OTOA: variants seen among roughly 807,000 people sequenced by gnomAD.
OTOA encodes cancer/testis antigen 108.
A neutral mutation model predicts 110.8 loss-of-function variants in OTOA; 70 were observed. The observed-to-expected ratio is 0.63, with a 90% CI of 0.52 to 0.77. The LOEUF (loss-of-function observed/expected upper bound fraction) is 0.77, where lower values mean the gene tolerates loss of function less well. OTOA is among the 30% of genes least tolerant of loss of function. OTOA has a pLI of 0.00. For missense variants in OTOA, 917 were observed against 1,075.8 expected, an observed-to-expected ratio of 0.85 and a Z score of 2.06; for synonymous variants, 373 against 431.5, an observed-to-expected ratio of 0.86 and a Z score of 1.68.
rs547350154 is a variant in OTOA at position 21,728,312 on chromosome 16, C to G, written c.2088C>G (p.Ile696Met). 13 of 1,614,190 alleles carry G rather than the reference C, an allele frequency of 8.1e-6. No individual in the cohort carries two copies. In the African/African-American group the frequency reaches 1.7e-4, roughly 22 times the overall value. Residue 696 changes from isoleucine to methionine, a missense_variant, in exon 20 of 29, where the codon ATC becomes ATG. Physicochemically the swap from Ile to Met is conservative, Grantham distance 10. This residue lies in a region of OTOA where 840 missense variants were observed against 910.2 expected (regional missense o/e 0.92). Transcript: ENST00000646100. ...TGCTGTGTCACTTGCCGGCAGCCATCATCGACAGGGGGATCTCCCCCAGGG... is the reference window on the plus strand; with the variant it reads ...TGCTGTGTCACTTGCCGGCAGCCATGATCGACAGGGGGATCTCCCCCAGGG... ...GNLLCHLPAA[I>M]IDRGISPRAW...
At chr16:21,670,517 C>G (rs1966847611) in intron 1 of OTOA, among the ~76,000 whole-genome samples, 1 of 152,028 alleles carries the variant, frequency 6.6e-6, no homozygotes, top group Non-Finnish European at 1.5e-5. Context: ...TTTTCCTACC[C>G]TGTTGTATTT....
intron 1 of OTOA, among the ~76,000 whole-genome samples, chr16:21,672,365 G>C: frequency 6.6e-6 from 1 of 152,090 alleles, no homozygotes; most frequent in East Asian, 1.9e-4. Flanking sequence ...GCTCACGCCA[G>C]CAATCCCAGC....
chr16:21,665,650 C>G (rs754778453), intron 1 of OTOA, among the ~76,000 whole-genome samples: 39 of 152,014 alleles, frequency 2.6e-4, no homozygotes, highest in African/African-American at 4.8e-5. Flanking sequence ...TCAGTGAGAC[C>G]AGTTTCTTCC....
At chr16:21,679,760 T>C (rs546858568) in intron 5 of OTOA, among the ~76,000 whole-genome samples, 1 of 152,218 alleles carries the variant, frequency 6.6e-6, no homozygotes, top group African/African-American at 2.4e-5. Context: ...ACTAAGCGCT[T>C]GGTATAGAAA....
intron 10 of OTOA, among the ~76,000 whole-genome samples, chr16:21,698,204 G>A (rs555501861): frequency 1.3e-5 from 2 of 152,258 alleles, no homozygotes; most frequent in South Asian, 4.2e-4. Context: ...ACTGGAGAAG[G>A]CCAAGGACAA....
At chr16:21,758,241 T>TTGGACCATGCTCTGGGGAGA (rs1900057000) in intron 28 of OTOA, among the ~76,000 whole-genome samples, 1 of 151,858 alleles carries the variant, frequency 6.6e-6, no homozygotes, top group African/African-American at 2.4e-5. Context: ...AACACCACAT[T>TTGGACCATGCTCTGGGGAGA]TGGACCATGC....
At chr16:21,669,506 G>C (rs1321945721) in intron 1 of OTOA, among the ~76,000 whole-genome samples, 2 of 152,088 alleles carry the variant, frequency 1.3e-5, no homozygotes, top group Non-Finnish European at 2.9e-5. Flanking sequence ...ACTCTAAAAG[G>C]CTTCTCAAGC....
In OTOA at chr16:21,716,805, C is replaced by A. The variant is rs377364526; in HGVS notation, c.1489-102C>A. On this transcript the variant is annotated intron_variant, in intron 14 of 28. Transcript: ENST00000646100. ...CTCTCCACTTCCTAGGGTTGCTGAGCGGGTCTGATGGATTTTATTGCCTGT... is the reference window on the plus strand; with the variant it reads ...CTCTCCACTTCCTAGGGTTGCTGAGAGGGTCTGATGGATTTTATTGCCTGT... 6 of 1,378,652 alleles carry A rather than the reference C, an allele frequency of 4.4e-6. No individual in the cohort carries two copies. In the East Asian group the frequency reaches 1.1e-4, roughly 26 times the overall value. 85.4% of individuals were successfully genotyped at this position (1,378,652 alleles called of 1,614,324 possible). A position where few individuals can be genotyped will look rare whatever the true frequency, so the allele number is the denominator to read the frequency against.
At chr16:21,692,498 T>C (rs9921454) in intron 9 of OTOA, among the ~76,000 whole-genome samples, 4,768 of 152,196 alleles carry the variant, frequency 0.031, 267 homozygotes, top group African/African-American at 0.11. Flanking sequence ...GTCAAATTCA[T>C]AGAGACAGAA....
chr16:21,721,187 T>C (rs1048750767), intron 17 of OTOA: 85 of 413,118 alleles, frequency 2.1e-4, no homozygotes, highest in African/African-American at 1.7e-3. Flanking sequence ...AGTGCTGGGA[T>C]TACAGGCATG....
chr16:21,687,813 G>A (rs987235300), intron 8 of OTOA, among the ~76,000 whole-genome samples, 165 bp downstream of exon 8: 18 of 151,672 alleles, frequency 1.2e-4, no homozygotes, highest in African/African-American at 3.6e-4. Flanking sequence ...CTACAGGGGC[G>A]CCTACCACAC....
chr16:21,678,932 C>A lies in OTOA; in HGVS notation c.109C>A (p.Gln37Lys). The A allele has an allele frequency of 2.5e-6, 4 of 1,613,680 alleles. No individual in the cohort carries two copies. The highest frequency in any genetic ancestry group is 3.3e-4 in the Middle Eastern group (2 of 6,056). The part of the protein sequence containing the change: ...NSRQDLHPLL[Q>K]NMAEEIIDGS... The stretch of plus-strand genomic sequence containing the variant: ...TCTTACAGATTTGCATCCATTGTTG[C>A]AAAACATGGCGGTGAGTATTCTATT... Residue 37 changes from glutamine (Q) to lysine (K), a missense_variant, in exon 3 of 29, where the codon CAA becomes AAA. Coordinates refer to ENST00000646100, the MANE Select transcript of OTOA (RefSeq NM_144672.4).
At chr16:21,716,148 G>A (rs117675063) in intron 14 of OTOA, among the ~76,000 whole-genome samples, 2,040 of 151,686 alleles carry the variant, frequency 0.013, 31 homozygotes, top group Middle Eastern at 0.052. Context: ...TGATCTACCT[G>A]CCCCGGCCTC....
intron 19 of OTOA, 148 bp from the exon 20 acceptor site, chr16:21,728,093 G>T: frequency 1.1e-6 from 1 of 950,358 alleles, no homozygotes; most frequent in Non-Finnish European, 1.7e-6. Context: ...TCGAACTCCT[G>T]GCCTCAAATG....
chr16:21,713,153 T>C (rs1898411358), intron 13 of OTOA, among the ~76,000 whole-genome samples: 1 of 152,028 alleles, frequency 6.6e-6, no homozygotes, highest in South Asian at 2.1e-4. Context: ...TTTGTAGAGA[T>C]GGGATTTTGC....
intron 13 of OTOA, among the ~76,000 whole-genome samples, chr16:21,713,840 G>A (rs999506303): frequency 6.6e-6 from 1 of 152,134 alleles, no homozygotes; most frequent in African/African-American, 2.4e-5. Flanking sequence ...TTGAATCCTT[G>A]TTTCTGGACC....
intron 14 of OTOA, 81 bp from the exon 15 acceptor site, chr16:21,716,825 GC>G: frequency 1.3e-6 from 2 of 1,542,640 alleles, no homozygotes; most frequent in Non-Finnish European, 1.8e-6. Flanking sequence ...GGATTTTATT[GC>G]CTGTGATGTA....
rs535438314 is a variant in OTOA, at chr16:21,678,654, G to A, written c.91+49G>A. On this transcript the variant is annotated intron_variant, in intron 2 of 28. Coordinates refer to ENST00000646100, the MANE Select transcript of OTOA (RefSeq NM_144672.4). ...CCTTTGTGGTTTCCACACAGTTTAG[G>A]GAATGAGGTGGGATAGATACATTAG... The A allele has an allele frequency of 2.0e-6, 3 of 1,513,040 alleles. No homozygotes were observed. In the East Asian group the frequency reaches 6.8e-5, roughly 34 times the overall value. The allele number at this position is 1,513,040 out of a possible 1,614,324, so 93.7% of individuals were successfully genotyped here. A position where few individuals can be genotyped will look rare whatever the true frequency, so the allele number is the denominator to read the frequency against.
intron 11 of OTOA, among the ~76,000 whole-genome samples, chr16:21,702,234 G>A (rs951567949): frequency 6.6e-6 from 1 of 152,190 alleles, no homozygotes; most frequent in African/African-American, 2.4e-5. Flanking sequence ...ACAGGCGTGA[G>A]CCACTGTGCT....
Sources: allele counts gnomAD v4.1 joint callset (sites outside exome capture counted in the v4.1 genomes callset), GRCh38; gene constraint gnomAD v4.1.1; regional missense constraint gnomAD v4.1.1; transcripts MANE v1.5; gene names NCBI Gene and HGNC (gene_info 2026-07-23, HGNC 2026-07-21).